The following WWTR1 variants were observed in gnomAD, a reference collection of about 807,000 sequenced individuals.
The protein encoded by WWTR1 is WW domain-containing transcription regulator protein 1.
A neutral mutation model predicts 40.1 loss-of-function variants in WWTR1; 13 were observed. The observed-to-expected ratio is 0.32, with a 90% CI of 0.21 to 0.52. The LOEUF (loss-of-function observed/expected upper bound fraction) is 0.52. Among genes scored for constraint, WWTR1 ranks in the 20% least tolerant of loss-of-function variants. The pLI, the probability that WWTR1 is intolerant of heterozygous loss-of-function variation, is 0.97. For synonymous variants in WWTR1, 230 were observed against 210.1 expected (o/e 1.09, Z -0.82); for missense variants, 436 against 523.1 (o/e 0.83, Z 1.63).
chr3:149,591,647 CATG>C (rs1738729039), intron 2 of WWTR1, among the ~76,000 whole-genome samples: 1 of 152,064 alleles, frequency 6.6e-6, no homozygotes, highest in Non-Finnish European at 1.5e-5. Context: ...ATTACCTTTT[CATG>C]ATAATATCTT....
intron 1 of WWTR1, among the ~76,000 whole-genome samples, chr3:149,674,235 G>GTCTC (rs558112555): frequency 6.7e-6 from 1 of 148,462 alleles, no homozygotes; most frequent in Non-Finnish European, 1.5e-5. Flanking sequence ...CTCTGTCTCT[G>GTCTC]TCTCTCTCTC....
intron 5 of WWTR1, among the ~76,000 whole-genome samples, chr3:149,527,111 A>T (rs957029611): frequency 1.3e-5 from 2 of 151,682 alleles, no homozygotes; most frequent in Middle Eastern, 3.4e-3. Context: ...TAAACTATAG[A>T]TCTTATTCAC....
intron 2 of WWTR1, among the ~76,000 whole-genome samples, chr3:149,591,352 G>T (rs749820123): frequency 1.8e-4 from 28 of 152,290 alleles, no homozygotes; most frequent in Non-Finnish European, 3.5e-4. Context: ...GCCAGTCTCT[G>T]ATAGTAACTT....
intron 3 of WWTR1, among the ~76,000 whole-genome samples, chr3:149,569,411 T>C (rs966759983): frequency 3.3e-5 from 5 of 152,210 alleles, no homozygotes; most frequent in Admixed American, 3.3e-4. Context: ...AAGTTCCTCA[T>C]ATATTAATAA....
intron 1 of WWTR1, among the ~76,000 whole-genome samples, chr3:149,678,092 T>A (rs900688069): frequency 2.6e-5 from 4 of 152,154 alleles, no homozygotes; most frequent in African/African-American, 9.7e-5. Context: ...TATTCACAGT[T>A]GATGTTATAT....
intron 3 of WWTR1, among the ~76,000 whole-genome samples, chr3:149,563,362 A>C (rs1216409378): frequency 6.6e-6 from 1 of 152,116 alleles, no homozygotes; most frequent in Non-Finnish European, 1.5e-5. Flanking sequence ...TCTCAGGCCC[A>C]CTCTCTGCAA....
chr3:149,668,708 T>C (rs947711495), intron 2 of WWTR1, among the ~76,000 whole-genome samples: 1 of 152,026 alleles, frequency 6.6e-6, no homozygotes, highest in African/African-American at 2.4e-5. Flanking sequence ...AATAAGTAGT[T>C]ACCAATGGGG....
intron 3 of WWTR1, among the ~76,000 whole-genome samples, chr3:149,547,385 G>A (rs1273124079): frequency 6.6e-6 from 1 of 151,914 alleles, no homozygotes; most frequent in East Asian, 1.9e-4. Flanking sequence ...AATTATCTGG[G>A]CTTGTTGGCA....
chr3:149,705,121 G>A (rs1203439811), upstream of WWTR1, among the ~76,000 whole-genome samples: 1 of 151,916 alleles, frequency 6.6e-6, no homozygotes, highest in African/African-American at 2.4e-5. Context: ...AAAAGACAAA[G>A]AAAAGGACAA....
chr3:149,591,608 G>C (rs553763804), intron 2 of WWTR1, among the ~76,000 whole-genome samples: 1 of 152,226 alleles, frequency 6.6e-6, no homozygotes, highest in South Asian at 2.1e-4. Context: ...AAAAAAAGTA[G>C]TAGAGATAAA....
At chr3:149,603,854 CA>C (rs370980729) in intron 2 of WWTR1, among the ~76,000 whole-genome samples, 938 of 83,256 alleles carry the variant, frequency 0.011, 6 homozygotes, top group African/African-American at 0.036. Context: ...AGCGGCATAC[CA>C]AAAAAAAAAA....
chr3:149,543,602 A>AAAAAAAAAAAAAC, intron 3 of WWTR1, among the ~76,000 whole-genome samples: 1 of 147,860 alleles, frequency 6.8e-6, no homozygotes, highest in African/African-American at 2.5e-5. Flanking sequence ...AAAAAAAAAA[A>AAAAAAAAAAAAAC]AGAACTTCAC....
chr3:149,655,946 G>A (rs1713183131), intron 2 of WWTR1, among the ~76,000 whole-genome samples: 1 of 152,190 alleles, frequency 6.6e-6, no homozygotes. Flanking sequence ...CTCACTGGCA[G>A]TGCAGGCAAT....
At chr3:149,572,321 A>T (rs1045916813) in intron 3 of WWTR1, among the ~76,000 whole-genome samples, 1 of 152,158 alleles carries the variant, frequency 6.6e-6, no homozygotes, top group African/African-American at 2.4e-5. Flanking sequence ...GGAAATAAGG[A>T]TAGGGATTTG....
chr3:149,644,804 C>T (rs1712391816), intron 2 of WWTR1, among the ~76,000 whole-genome samples: 1 of 152,100 alleles, frequency 6.6e-6, no homozygotes, highest in Admixed American at 6.6e-5. Context: ...CTTGGGGTTG[C>T]AGGGTGGTGG....
At chr3:149,670,454 C>CT (rs1478758736) in intron 1 of WWTR1, among the ~76,000 whole-genome samples, 5 of 152,060 alleles carry the variant, frequency 3.3e-5, no homozygotes, top group African/African-American at 4.8e-5. Context: ...ACTATCTACT[C>CT]TAAGTTTTCC....
intron 1 of WWTR1, among the ~76,000 whole-genome samples, chr3:149,694,212 G>C (rs1253840123): frequency 6.6e-6 from 1 of 152,006 alleles, no homozygotes; most frequent in Non-Finnish European, 1.5e-5. Flanking sequence ...ACCAACATGG[G>C]GAAACCCCGT....
intron 2 of WWTR1, among the ~76,000 whole-genome samples, chr3:149,625,419 A>G (rs2108095559): frequency 6.6e-6 from 1 of 151,656 alleles, no homozygotes; most frequent in East Asian, 1.9e-4. Context: ...CGCCCGGCCA[A>G]CTCTACCCTT....
chr3:149,521,012 C>G (rs776708436), intron 6 of WWTR1, 23 bp from the exon 7 acceptor site: 2 of 1,550,816 alleles, frequency 1.3e-6, no homozygotes, highest in Non-Finnish European at 1.7e-6. Context: ...GAAAAGAAAC[C>G]ATTTTAATTC....
Sources: gnomAD v4.1 joint callset for allele counts (sites outside exome capture counted in the v4.1 genomes callset) on GRCh38, gnomAD v4.1.1 for gene constraint, MANE v1.5 for transcripts, NCBI Gene and HGNC (gene_info 2026-07-23, HGNC 2026-07-21) for gene names.